FNDC1: variants seen among roughly 807,000 people sequenced by gnomAD.
The protein encoded by FNDC1 is fibronectin type III domain-containing protein 1.
FNDC1 carries 96 observed loss-of-function variants against 168.0 expected under a neutral mutation model. That is an observed-to-expected ratio of 0.57 (90% CI 0.48 to 0.68). The LOEUF is 0.68. Among genes scored for constraint, FNDC1 ranks in the 30% least tolerant of loss-of-function variants. FNDC1 has a pLI of 0.00. For missense variants in FNDC1, 2,587 were observed against 2,482.1 expected (o/e 1.04, Z -0.90); for synonymous variants, 1,099 against 1,025.9 (o/e 1.07, Z -1.36).
intron 11 of FNDC1, 39 bp from the exon 12 acceptor site, chr6:159,236,176 T>A (rs1275145730): frequency 6.8e-7 from 1 of 1,478,724 alleles, no homozygotes; most frequent in South Asian, 1.2e-5. Context: ...CATGTTGAAT[T>A]TACCAGGCTC....
intron 22 of FNDC1, among the ~76,000 whole-genome samples, chr6:159,268,810 A>T (rs968616079): frequency 6.7e-6 from 1 of 149,684 alleles, no homozygotes; most frequent in Admixed American, 6.7e-5. Context: ...CTATCTATTC[A>T]TCTATCTATT....
chr6:159,171,600 A>AC (rs1043598288), intron 1 of FNDC1, among the ~76,000 whole-genome samples: 1 of 152,220 alleles, frequency 6.6e-6, no homozygotes, highest in African/African-American at 2.4e-5. Flanking sequence ...TTAAAGCAGG[A>AC]CACACTGAAG....
rs776342338 is a variant in FNDC1, at chr6:159,223,454, G to C, written c.767-74G>C. 6 of 841,034 alleles carry C rather than the reference G, an allele frequency of 7.1e-6. No individual in the cohort carries two copies. The African/African-American group carries it at 8.5e-5, about 12-fold the overall frequency. 52.1% of individuals were successfully genotyped at this position (841,034 alleles called of 1,614,324 possible). ...ACTTATGCAGGGTGAATAATAGCCT[G>C]TCAAGGACTGAGGAGCTCAGGGCAG... On this transcript the variant is annotated intron_variant, in intron 6 of 22. Coordinates refer to ENST00000297267, the MANE Select transcript of FNDC1 (RefSeq NM_032532.3).
At chr6:159,195,785 A>G (rs1299799526) in intron 1 of FNDC1, among the ~76,000 whole-genome samples, 1 of 152,234 alleles carries the variant, frequency 6.6e-6, no homozygotes, top group Non-Finnish European at 1.5e-5. Context: ...AGAAAATGTG[A>G]CAGTATTTAG....
At chr6:159,182,339 A>G (rs1188821568) in intron 1 of FNDC1, among the ~76,000 whole-genome samples, 1 of 152,216 alleles carries the variant, frequency 6.6e-6, no homozygotes, top group African/African-American at 2.4e-5. Context: ...CATTTTGAGG[A>G]GTCAAAGATA....
chr6:159,255,487 A>G (rs1185733038), intron 17 of FNDC1, among the ~76,000 whole-genome samples: 1 of 152,218 alleles, frequency 6.6e-6, no homozygotes, highest in Non-Finnish European at 1.5e-5. Context: ...CAGCTGTGTC[A>G]TTCTGTTTCC....
At chr6:159,226,381 TAA>T in intron 8 of FNDC1, 90 bp from the exon 9 acceptor site, 1 of 973,508 alleles carries the variant, frequency 1.0e-6, no homozygotes, top group Non-Finnish European at 1.5e-6. Flanking sequence ...GTCTTCAATT[TAA>T]AAAAATGTGT....
rs1162651124 is a variant in FNDC1, at chr6:159,233,859, C to T, written c.3347C>T (p.Pro1116Leu). 6.5e-6 allele frequency: 10 copies of T among 1,546,746 alleles called. No homozygotes were observed. Among genetic ancestry groups the T allele is most frequent in the Non-Finnish European group, 7.0e-6 (8 of 1,145,196 alleles). The change falls in exon 11 of 23, where the codon CCC (proline) becomes CTC (leucine). Residue 1116 changes from proline to leucine, a missense_variant. Physicochemically the swap from Pro to Leu is moderately conservative, Grantham distance 98. Transcript: ENST00000297267. This position sits in a 1 kb window ranked among gnomAD's most constrained non-coding sequence, Gnocchi z 4.6. ...CCCAAGCACCAGCAGGTGGAGTCTC[C>T]CACAGGCGCAGGGGCAGGTGGCGAC... ...SLPKHQQVES[P>L]TGAGAGGDHR...
chr6:159,233,862 C>G lies in FNDC1; in HGVS notation c.3350C>G (p.Thr1117Arg), dbSNP rs928124451. 3 of 1,546,892 alleles carry G rather than the reference C, an allele frequency of 1.9e-6. No homozygotes were observed. In the African/African-American group the frequency reaches 4.1e-5, roughly 21 times the overall value. Residue 1117 changes from threonine to arginine, a missense_variant, in exon 11 of 23, where the codon ACA (threonine) becomes AGA (arginine). Coordinates refer to ENST00000297267, the MANE Select transcript of FNDC1 (RefSeq NM_032532.3). The surrounding 1 kb of genome is among the most constrained non-coding windows in gnomAD (Gnocchi z 4.6). The stretch of plus-strand genomic sequence containing the variant: ...AAGCACCAGCAGGTGGAGTCTCCCA[C>G]AGGCGCAGGGGCAGGTGGCGACCAC... The part of the protein sequence containing the change: ...LPKHQQVESP[T>R]GAGAGGDHRS...
At position 159,217,213 on chromosome 6, in the gene FNDC1, T is replaced by A. The variant is rs1782726774; in HGVS notation, c.667+2062T>A. Reference sequence around the variant, plus strand: ...GTGGTAAAGGAGGAGAGGGGAGAGTTGCCTAGGAGGAGAGATGCCGGCCTG... The same window carrying A: ...GTGGTAAAGGAGGAGAGGGGAGAGTAGCCTAGGAGGAGAGATGCCGGCCTG... On this transcript the variant is annotated intron_variant, in intron 5 of 22. Transcript: ENST00000297267. 2.6e-5 allele frequency among the ~76,000 whole-genome samples: 4 copies of A among 152,074 alleles called. No individual in the cohort carries two copies. The South Asian group carries it at 8.3e-4, about 31-fold the overall frequency.
At chr6:159,252,472 G>A (rs1044818594) in intron 17 of FNDC1, among the ~76,000 whole-genome samples, 11 of 152,240 alleles carry the variant, frequency 7.2e-5, no homozygotes, top group African/African-American at 2.4e-4. Flanking sequence ...TTGTACAGCA[G>A]CGCAAAAGCT....
chr6:159,246,724 T>A (rs1387035999), intron 14 of FNDC1, among the ~76,000 whole-genome samples, 177 bp from the exon 15 acceptor site: 3 of 152,150 alleles, frequency 2.0e-5, no homozygotes, highest in African/African-American at 7.2e-5. Flanking sequence ...AAAGTCTGGG[T>A]TCCATTTCAG....
At position 159,256,522 on chromosome 6, in the gene FNDC1, G is replaced by C. The variant is rs377765641; in HGVS notation, c.5066-1G>C. ...TGGGTTTTTCCTGTTTCCATTTTCAGGTTACTTGGTTTACAGTGCATCCTA... is the reference window on the plus strand; with the variant it reads ...TGGGTTTTTCCTGTTTCCATTTTCACGTTACTTGGTTTACAGTGCATCCTA... On this transcript the variant is annotated splice_acceptor_variant, in intron 17 of 22. Coordinates refer to ENST00000297267, the MANE Select transcript of FNDC1 (RefSeq NM_032532.3). LOFTEE classifies it high-confidence loss of function. 2 of 1,609,758 alleles carry C rather than the reference G, an allele frequency of 1.2e-6. No homozygotes were observed. The highest frequency in any genetic ancestry group is 1.7e-6 in the Non-Finnish European group (2 of 1,177,368).
At chr6:159,206,563 G>A (rs1782490822) in intron 4 of FNDC1, among the ~76,000 whole-genome samples, 1 of 152,244 alleles carries the variant, frequency 6.6e-6, no homozygotes, top group South Asian at 2.1e-4. Context: ...GCATTGACAA[G>A]AGTGTTGACA....
Position 159,229,799 on chromosome 6 carries a change from T to C in FNDC1, c.1181-16T>C. ...TTTCAGTTTCCTCCTTCCAACCATC[T>C]GCCAAATCATTTCAGAATACATTCT... On this transcript the variant is annotated splice_polypyrimidine_tract_variant and intron_variant, in intron 9 of 22. Coordinates refer to ENST00000297267, the MANE Select transcript of FNDC1 (RefSeq NM_032532.3). 3 of 1,599,626 alleles carry C rather than the reference T, an allele frequency of 1.9e-6. No homozygotes were observed. Among genetic ancestry groups the C allele is most frequent in the Non-Finnish European group, 2.6e-6 (3 of 1,170,430 alleles).
At chr6:159,178,905 G>A (rs1562626436) in intron 1 of FNDC1, among the ~76,000 whole-genome samples, 1 of 151,958 alleles carries the variant, frequency 6.6e-6, no homozygotes, top group Admixed American at 6.6e-5. Context: ...CCAGTCTCAG[G>A]ACAGCAGCTG....
At chr6:159,223,254 C>T (rs1397447858) in intron 6 of FNDC1, among the ~76,000 whole-genome samples, 1 of 152,168 alleles carries the variant, frequency 6.6e-6, no homozygotes, top group Non-Finnish European at 1.5e-5. Context: ...CCTCGGCCTC[C>T]CAAAGTGCTG....
rs779445892 is a variant in FNDC1 at position 159,200,059 on chromosome 6, T to C, written c.368T>C (p.Val123Ala). The C allele has an allele frequency of 5.0e-6, 8 of 1,601,162 alleles. No homozygotes were observed. Among genetic ancestry groups the C allele is most frequent in the Non-Finnish European group, 6.0e-6 (7 of 1,173,596 alleles). The change falls in exon 3 of 23, where the codon GTT becomes GCT. Residue 123 changes from valine to alanine, a missense_variant. Val to Ala is a moderately conservative substitution (Grantham distance 64). Transcript: ENST00000297267. The part of the protein sequence containing the change: ...AENHSGVSRP[V>A]YRAESPPGGE... ...AACCACAGTGGAGTGAGCCGTCCTGTTTACAGAGCTGAAAGCCCACCTGGT... is the reference window on the plus strand; with the variant it reads ...AACCACAGTGGAGTGAGCCGTCCTGCTTACAGAGCTGAAAGCCCACCTGGT...
At position 159,232,091 on chromosome 6, in the gene FNDC1, G is replaced by T. The variant is rs747120622; in HGVS notation, c.1579G>T (p.Ala527Ser). 1.2e-6 allele frequency: 2 copies of T among 1,613,688 alleles called. No individual in the cohort carries two copies. Among genetic ancestry groups the T allele is most frequent in the Non-Finnish European group, 1.7e-6 (2 of 1,179,766 alleles). ...GGCGCCCCGAAAACCCCAGCTTCGC[G>T]CCAAGAAGGCAGAGGAGCTGGATCT... ...GGAPRKPQLR[A>S]KKAEELDLQS... The change falls in exon 11 of 23, where the codon GCC becomes TCC. Residue 527 changes from alanine to serine, a missense_variant. Ala to Ser is a moderately conservative substitution (Grantham distance 99, BLOSUM62 1). Coordinates refer to ENST00000297267, the MANE Select transcript of FNDC1 (RefSeq NM_032532.3). This position sits in a 1 kb window ranked among gnomAD's most constrained non-coding sequence, Gnocchi z 4.9.
Sources: gnomAD v4.1 joint callset for allele counts (sites outside exome capture counted in the v4.1 genomes callset) on GRCh38, gnomAD v4.1.1 for gene constraint, Gnocchi (gnomAD v3.1) non-coding constraint, MANE v1.5 for transcripts, NCBI Gene and HGNC (gene_info 2026-07-23, HGNC 2026-07-21) for gene names.